Variants in ANK3 observed in about 807,000 individuals in gnomAD.
ANK3 encodes ankyrin-3.
Under a neutral mutation model 370.9 loss-of-function variants are expected in ANK3, and 57 were observed. That is an observed-to-expected ratio of 0.15 (90% CI 0.12 to 0.19). The LOEUF is 0.19. ANK3 is among the 10% of genes least tolerant of loss of function. The pLI is 1.00. For missense variants in ANK3, 4,439 were observed against 5,302.1 expected (o/e 0.84, Z 5.06); for synonymous variants, 1,929 against 1,946.3 (o/e 0.99, Z 0.23).
At chr10:60,551,227 G>C (rs1414480578) in intron 2 of ANK3, among the ~76,000 whole-genome samples, 1 of 152,022 alleles carries the variant, frequency 6.6e-6, no homozygotes, top group East Asian at 1.9e-4. Flanking sequence ...AAATGAAAAG[G>C]CATGGTCAAT....
chr10:60,692,814 T>C (rs145414050), intron 1 of ANK3, among the ~76,000 whole-genome samples: 84 of 152,358 alleles, frequency 5.5e-4, no homozygotes, highest in Admixed American at 1.4e-3. Context: ...GATAGCTGAT[T>C]GTTAAAAGTG....
At chr10:60,245,977 C>A (rs956315974) in intron 7 of ANK3, among the ~76,000 whole-genome samples, 1 of 152,010 alleles carries the variant, frequency 6.6e-6, no homozygotes, top group Non-Finnish European at 1.5e-5. Flanking sequence ...ACCACTAGGC[C>A]GGGCATGGTG....
intron 2 of ANK3, among the ~76,000 whole-genome samples, chr10:60,438,713 T>C (rs1321042431): frequency 1.3e-5 from 2 of 152,206 alleles, no homozygotes; most frequent in African/African-American, 2.4e-5. Context: ...AGTAATGACA[T>C]AAGGAAGGGA....
chr10:60,191,837 A>T (rs958554203), intron 16 of ANK3, among the ~76,000 whole-genome samples: 3 of 152,246 alleles, frequency 2.0e-5, no homozygotes, highest in African/African-American at 7.2e-5. Flanking sequence ...GTCCTGTAAA[A>T]TCAACCTTTG....
intron 1 of ANK3, among the ~76,000 whole-genome samples, chr10:60,292,181 A>G (rs990340607): frequency 3.3e-5 from 5 of 152,190 alleles, no homozygotes; most frequent in African/African-American, 1.2e-4. Context: ...CTGAAATCTA[A>G]AGATTCAAAT....
intron 2 of ANK3, among the ~76,000 whole-genome samples, chr10:60,551,946 G>A (rs80126439): frequency 6.6e-6 from 1 of 152,100 alleles, no homozygotes. Context: ...ATTTCTTAAT[G>A]TGCTCCACAA....
At chr10:60,280,457 AG>A (rs1336780918) in intron 1 of ANK3, among the ~76,000 whole-genome samples, 2 of 152,228 alleles carry the variant, frequency 1.3e-5, no homozygotes, top group Non-Finnish European at 2.9e-5. Flanking sequence ...AGCAGCAGAA[AG>A]AAATACATAT....
chr10:60,715,356 A>C (rs2079771096), intron 1 of ANK3, among the ~76,000 whole-genome samples: 1 of 152,054 alleles, frequency 6.6e-6, no homozygotes, highest in African/African-American at 2.4e-5. Flanking sequence ...ACTGTCAGAT[A>C]AATTAAAGGA....
At chr10:60,219,634 G>A (rs1052735078) in intron 8 of ANK3, among the ~76,000 whole-genome samples, 5 of 152,112 alleles carry the variant, frequency 3.3e-5, no homozygotes, top group African/African-American at 1.2e-4. Flanking sequence ...CCCCAATCCC[G>A]CTGGAGAAGT....
chr10:60,377,519 C>T (rs1002145951), intron 1 of ANK3, among the ~76,000 whole-genome samples: 4 of 152,174 alleles, frequency 2.6e-5, no homozygotes, highest in African/African-American at 9.7e-5. Context: ...TTCAGTCATG[C>T]ACCATTATTT....
chr10:60,347,264 A>T (rs181292345), intron 1 of ANK3, among the ~76,000 whole-genome samples: 5 of 152,030 alleles, frequency 3.3e-5, no homozygotes, highest in South Asian at 4.2e-4. Context: ...CCCCTAGTCT[A>T]GAAGAGTTTA....
At chr10:60,241,794 G>A (rs76109618) in intron 7 of ANK3, among the ~76,000 whole-genome samples, 4,995 of 151,778 alleles carry the variant, frequency 0.033, 116 homozygotes, top group South Asian at 0.08. Flanking sequence ...GAAAAATGGT[G>A]GATAAAGACA....
chr10:60,204,696 A>G (rs1276236124), intron 11 of ANK3, among the ~76,000 whole-genome samples: 6 of 152,110 alleles, frequency 3.9e-5, no homozygotes, highest in African/African-American at 1.4e-4. Flanking sequence ...CAGTGTGGGT[A>G]TATGAAGACC....
Position 60,059,320 on chromosome 10 carries a change from T to C in ANK3, c.12686+20A>G, listed in dbSNP as rs560183638. 2.1e-5 allele frequency: 34 copies of C among 1,601,198 alleles called. No individual in the cohort carries two copies. In the African/African-American group the frequency reaches 4.5e-4, roughly 21 times the overall value. ...AACAAGTAACCTGTGTTCACTTTCCTTTTTTTGAAACAGCCATACCTGTCA... is the reference window on the plus strand; with the variant it reads ...AACAAGTAACCTGTGTTCACTTTCCCTTTTTTGAAACAGCCATACCTGTCA... On this transcript the variant is annotated intron_variant, in intron 41 of 43. Transcript: ENST00000280772.
chr10:60,124,884 C>A (rs994990779), intron 25 of ANK3, among the ~76,000 whole-genome samples: 3 of 152,270 alleles, frequency 2.0e-5, no homozygotes, highest in East Asian at 1.9e-4. Flanking sequence ...AATCATAATA[C>A]CCCTTCCATT....
intron 42 of ANK3, chr10:60,043,095 C>A: frequency 9.6e-7 from 1 of 1,043,694 alleles, no homozygotes; most frequent in South Asian, 3.9e-5. Context: ...GAATTGTAAA[C>A]AATCTGTTGC....
intron 2 of ANK3, among the ~76,000 whole-genome samples, chr10:60,565,191 T>C (rs569824986): frequency 1.3e-5 from 2 of 152,272 alleles, no homozygotes; most frequent in South Asian, 4.1e-4. Flanking sequence ...ACCAGTTTCA[T>C]AGAACACAAT....
intron 25 of ANK3, among the ~76,000 whole-genome samples, chr10:60,130,014 A>G (rs2093979113): frequency 1.3e-5 from 2 of 152,226 alleles, no homozygotes; most frequent in Non-Finnish European, 2.9e-5. Context: ...AAAGACAAAA[A>G]CTAATGATTT....
intron 2 of ANK3, among the ~76,000 whole-genome samples, chr10:60,402,932 G>C (rs1303096498): frequency 2.0e-5 from 3 of 152,138 alleles, no homozygotes; most frequent in African/African-American, 7.2e-5. Context: ...CTAAGTTTGG[G>C]GTGGTTTGTT....
Sources: gnomAD v4.1 joint callset for allele counts (sites outside exome capture counted in the v4.1 genomes callset) on GRCh38, gnomAD v4.1.1 for gene constraint, MANE v1.5 for transcripts, NCBI Gene and HGNC (gene_info 2026-07-23, HGNC 2026-07-21) for gene names.